The following MAGI1 variants were observed in gnomAD, a reference collection of about 807,000 sequenced individuals.
The protein encoded by MAGI1 is membrane associated guanylate kinase, WW and PDZ domain containing 1, also known as membrane-associated guanylate kinase, WW and PDZ domain-containing protein 1.
MAGI1 carries 58 observed loss-of-function variants against 139.9 expected under a neutral mutation model. The observed-to-expected ratio is 0.41, with a 90% CI of 0.34 to 0.52. The LOEUF is 0.52. Among genes scored for constraint, MAGI1 ranks in the 20% least tolerant of loss-of-function variants. The pLI is 0.12. For synonymous variants in MAGI1, 812 were observed against 737.9 expected (o/e 1.10, Z -1.63); for missense variants, 1,874 against 1,901.6 (o/e 0.99, Z 0.27).
At chr3:65,802,912 A>T (rs891832990) in intron 1 of MAGI1, among the ~76,000 whole-genome samples, 8 of 146,422 alleles carry the variant, frequency 5.5e-5, no homozygotes, top group Non-Finnish European at 1.2e-4. Context: ...CATCTAACTC[A>T]TCTATGGTGA....
chr3:65,564,615 C>G (rs1340868459), intron 2 of MAGI1, among the ~76,000 whole-genome samples: 2 of 152,192 alleles, frequency 1.3e-5, no homozygotes, highest in African/African-American at 4.8e-5. Context: ...GTAGGCCATG[C>G]AGTGGCTAGT....
At chr3:65,507,964 T>G (rs1458591050) in intron 2 of MAGI1, among the ~76,000 whole-genome samples, 2 of 151,962 alleles carry the variant, frequency 1.3e-5, no homozygotes, top group Non-Finnish European at 2.9e-5. Flanking sequence ...GCTTGGAAAA[T>G]GCAGACAGTG....
chr3:65,888,884 T>C (rs1050355712), intron 1 of MAGI1, among the ~76,000 whole-genome samples: 1 of 151,464 alleles, frequency 6.6e-6, no homozygotes, highest in African/African-American at 2.4e-5. Context: ...AAATTATCTG[T>C]GCGCTAAAAA....
chr3:66,024,063 A>T (rs1424577783), intron 1 of MAGI1, among the ~76,000 whole-genome samples: 1 of 152,092 alleles, frequency 6.6e-6, no homozygotes, highest in Admixed American at 6.6e-5. Context: ...TCATTTCAAC[A>T]CACATTTCCT....
At chr3:65,696,997 A>G (rs2089254063) in intron 1 of MAGI1, among the ~76,000 whole-genome samples, 1 of 152,228 alleles carries the variant, frequency 6.6e-6, no homozygotes, top group African/African-American at 2.4e-5. Context: ...AAAGAAGAAA[A>G]GAGAGAAGAA....
At chr3:65,724,186 C>T (rs1367263459) in intron 1 of MAGI1, among the ~76,000 whole-genome samples, 2 of 152,244 alleles carry the variant, frequency 1.3e-5, no homozygotes, top group Non-Finnish European at 2.9e-5. Flanking sequence ...TATAAACTCA[C>T]ACTGTCCTGT....
intron 1 of MAGI1, among the ~76,000 whole-genome samples, chr3:65,771,247 C>T (rs1483201521): frequency 6.6e-6 from 1 of 151,450 alleles, no homozygotes; most frequent in Non-Finnish European, 1.5e-5. Flanking sequence ...GCAGAGGTTG[C>T]AGTGAGCCGA....
intron 1 of MAGI1, among the ~76,000 whole-genome samples, chr3:65,942,992 G>A (rs2063384176): frequency 6.6e-6 from 1 of 152,150 alleles, no homozygotes; most frequent in Non-Finnish European, 1.5e-5. Flanking sequence ...CTGCACTCCA[G>A]CCTGGGTGGT....
At chr3:65,578,193 C>A (rs2081261904) in intron 2 of MAGI1, among the ~76,000 whole-genome samples, 1 of 152,266 alleles carries the variant, frequency 6.6e-6, no homozygotes, top group Non-Finnish European at 1.5e-5. Context: ...TCCCTAAGCA[C>A]CCATACCATG....
intron 1 of MAGI1, among the ~76,000 whole-genome samples, chr3:65,750,050 AAGGGCAGGC>A (rs142028354): frequency 0.012 from 1,818 of 152,288 alleles, 36 homozygotes; most frequent in African/African-American, 0.041. Flanking sequence ...GGCTCTGGTT[AAGGGCAGGC>A]AGAGCAGAAA....
At chr3:65,944,407 G>T (rs935270985) in intron 1 of MAGI1, among the ~76,000 whole-genome samples, 1 of 152,030 alleles carries the variant, frequency 6.6e-6, no homozygotes, top group Admixed American at 6.6e-5. Context: ...AGTCCTAGCT[G>T]CTCGAGAGGC....
At chr3:65,526,220 C>A (rs1258072248) in intron 2 of MAGI1, among the ~76,000 whole-genome samples, 1 of 152,058 alleles carries the variant, frequency 6.6e-6, no homozygotes, top group Admixed American at 6.6e-5. Context: ...ATGTTCAGTT[C>A]ACTGTGAAGG....
Position 65,626,045 on chromosome 3 carries a change from A to C in MAGI1, c.314-3957T>G, listed in dbSNP as rs115743729. Among the ~76,000 whole-genome samples, 1,117 of 152,272 alleles carry C rather than the reference A, an allele frequency of 7.3e-3. 8 individuals are homozygous for C. The highest frequency in any genetic ancestry group is 0.025 in the African/African-American group (1,059 of 41,538). On this transcript the variant is annotated intron_variant, in intron 1 of 22. Coordinates refer to ENST00000402939, the MANE Select transcript of MAGI1 (RefSeq NM_001033057.2). The stretch of plus-strand genomic sequence containing the variant: ...ACTCTAGAAATTGAGTAAAAAAATA[A>C]TGTTTACCAGCAAAATTCCCATTGC...
At chr3:65,780,974 C>T (rs182397710) in intron 1 of MAGI1, among the ~76,000 whole-genome samples, 151 of 152,264 alleles carry the variant, frequency 9.9e-4, no homozygotes, top group Non-Finnish European at 1.5e-3. Context: ...AATCCTAGCA[C>T]ATTGGGAGGC....
At chr3:65,795,138 C>T (rs564193420) in intron 1 of MAGI1, among the ~76,000 whole-genome samples, 7 of 152,306 alleles carry the variant, frequency 4.6e-5, no homozygotes, top group African/African-American at 1.4e-4. Context: ...CAATTGCTCT[C>T]TTGTGCTTTT....
rs779588733 is a variant in MAGI1, at chr3:65,627,485, C to CTTTTTTTTTTTTT, written c.314-5410_314-5398dup. Among the ~76,000 whole-genome samples, 4 of 28,354 alleles carry CTTTTTTTTTTTTT rather than the reference C, an allele frequency of 1.4e-4. 1 individual carries two copies. The highest frequency in any genetic ancestry group is 3.5e-4 in the African/African-American group (3 of 8,490). 18.6% of individuals were successfully genotyped at this position (28,354 alleles called of 152,430 possible). On this transcript the variant is annotated intron_variant, in intron 1 of 22. Transcript: ENST00000402939. Reference sequence around the variant, plus strand: ...TTGCCGTTATTTTATATTTCTGTATCTTTTTTTTTTTTTTTTTTTTTTTTT... The same window carrying CTTTTTTTTTTTTT: ...TTGCCGTTATTTTATATTTCTGTATCTTTTTTTTTTTTTTTTTTTTTTTTTTTTTTTTTTTTTT...
At chr3:65,419,468 C>A (rs1946489684) in intron 12 of MAGI1, among the ~76,000 whole-genome samples, 1 of 152,152 alleles carries the variant, frequency 6.6e-6, no homozygotes, top group Non-Finnish European at 1.5e-5. Context: ...TAGGTCACAG[C>A]CCACAGTTTA....
intron 2 of MAGI1, among the ~76,000 whole-genome samples, chr3:65,542,159 C>T (rs935135257): frequency 3.9e-5 from 6 of 152,116 alleles, no homozygotes; most frequent in African/African-American, 1.4e-4. Flanking sequence ...TGAGTGAACT[C>T]CCATTCACAA....
intron 2 of MAGI1, among the ~76,000 whole-genome samples, chr3:65,542,599 C>T (rs2079290506): frequency 6.6e-6 from 1 of 152,128 alleles, no homozygotes; most frequent in African/African-American, 2.4e-5. Flanking sequence ...AATAACACCA[C>T]ACATCTACAA....
Sources: allele counts gnomAD v4.1 joint callset (sites outside exome capture counted in the v4.1 genomes callset), GRCh38; gene constraint gnomAD v4.1.1; transcripts MANE v1.5; gene names NCBI Gene and HGNC (gene_info 2026-07-23, HGNC 2026-07-21).